CEP290: variants seen among roughly 807,000 people sequenced by gnomAD.
CEP290 encodes the protein centrosomal protein of 290 kDa.
In CEP290, 317 loss-of-function variants were observed where a neutral mutation model predicts 344.9. The ratio of observed to expected loss-of-function variants is 0.92; its 90% CI spans 0.84 to 1.01. The LOEUF (loss-of-function observed/expected upper bound fraction) is 1.01. CEP290 is among the 50% of genes least tolerant of loss of function. CEP290 has a pLI of 0.00. For missense variants in CEP290, 2,754 were observed against 2,761.4 expected (o/e 1.00, Z 0.06); for synonymous variants, 932 against 895.8 (o/e 1.04, Z -0.72).
intron 18 of CEP290, chr12:88,115,611 A>C: frequency 1.7e-6 from 2 of 1,183,582 alleles, no homozygotes; most frequent in African/African-American, 1.6e-5. Context: ...CAATGAGTTC[A>C]TATCAATGTA....
In CEP290 at chr12:88,077,926, G is replaced by A. The variant is rs1592808400; in HGVS notation, c.5365-8C>T. The A allele has an allele frequency of 2.5e-6, 3 of 1,194,406 alleles. No individual in the cohort carries two copies. The highest frequency in any genetic ancestry group is 3.5e-6 in the Non-Finnish European group (3 of 856,412). The allele number at this position is 1,194,406 out of a possible 1,614,324, so 74.0% of individuals were successfully genotyped here. On this transcript the variant is annotated splice_polypyrimidine_tract_variant and splice_region_variant and intron_variant, in intron 39 of 53. Transcript: ENST00000552810. ...TAAATCTTCAACTTGTGTCTAATAAGAGAAAAAGAAAGGTATTATTCATGA... is the reference window on the plus strand; with the variant it reads ...TAAATCTTCAACTTGTGTCTAATAAAAGAAAAAGAAAGGTATTATTCATGA...
intron 47 of CEP290, 39 bp from the exon 48 acceptor site, chr12:88,060,059 C>T: frequency 7.0e-7 from 1 of 1,421,012 alleles, no homozygotes; most frequent in Non-Finnish European, 9.4e-7. Context: ...TATACATTAT[C>T]AAAACAAGGA....
chr12:88,135,464 G>T (rs984736937), intron 6 of CEP290, among the ~76,000 whole-genome samples: 1 of 152,128 alleles, frequency 6.6e-6, no homozygotes, highest in African/African-American at 2.4e-5. Flanking sequence ...TTATAAGTTA[G>T]ATCCTTGATG....
chr12:88,127,672 A>T (rs962009813), intron 11 of CEP290, among the ~76,000 whole-genome samples: 6 of 152,194 alleles, frequency 3.9e-5, no homozygotes, highest in African/African-American at 1.4e-4. Context: ...AAAGTGACAA[A>T]CTGTTAGAAT....
chr12:88,111,146 T>C (rs1355748504), intron 22 of CEP290, 56 bp downstream of exon 22: 7 of 996,954 alleles, frequency 7.0e-6, no homozygotes, highest in Non-Finnish European at 9.5e-6. Context: ...ATACTACCAA[T>C]GATTTTTGTT....
At chr12:88,050,238 G>A (rs766384575) in intron 53 of CEP290, 116 bp downstream of exon 53, 5 of 612,960 alleles carry the variant, frequency 8.2e-6, no homozygotes, top group Non-Finnish European at 1.1e-5. Context: ...CAATATAAAG[G>A]TCAAATATAA....
intron 1 of CEP290, 29 bp from the exon 2 acceptor site, chr12:88,141,363 T>G: frequency 8.7e-7 from 1 of 1,152,564 alleles, no homozygotes; most frequent in Admixed American, 2.2e-5. Context: ...ATATTAGCAT[T>G]TTCAAGGTAC....
At position 88,087,564 on chromosome 12, in the gene CEP290, CA is replaced by C. The variant is rs2036679037; in HGVS notation, c.4194+215del. ...TGAAACCCCGTCTCTACTAAAAATA[CA>C]AAAAATTAGCCAGGCACGGTGGCGG... On this transcript the variant is annotated intron_variant, in intron 32 of 53. Transcript: ENST00000552810. 2.6e-5 allele frequency among the ~76,000 whole-genome samples: 4 copies of C among 151,344 alleles called. 1 individual carries two copies.
At chr12:88,101,146 A>G (rs2037843022) in intron 26 of CEP290, among the ~76,000 whole-genome samples, 2 of 152,100 alleles carry the variant, frequency 1.3e-5, no homozygotes, top group African/African-American at 4.8e-5. Context: ...ATAAAAAATA[A>G]AACTAAGACA....
chr12:88,060,868 T>G lies in CEP290; in HGVS notation c.6484A>C (p.Lys2162Gln). The change falls in exon 47 of 54, where the codon AAA becomes CAA. Residue 2162 changes from lysine to glutamine, a missense_variant. Physicochemically the swap from Lys to Gln is moderately conservative, Grantham distance 53 (BLOSUM62 1). Transcript: ENST00000552810. ...TTTTCCTGCTCAATATTAGCCATTT[T>G]TTCACTAGTCAATATTCCTGATGCT... is the stretch of plus-strand genomic sequence containing the variant. ...KKASGILTSE[K>Q]MANIEQENEK... The G allele has an allele frequency of 1.3e-6, 2 of 1,543,850 alleles. No individual in the cohort carries two copies. The highest frequency in any genetic ancestry group is 8.7e-7 in the Non-Finnish European group (1 of 1,145,738).
intron 13 of CEP290, among the ~76,000 whole-genome samples, chr12:88,122,989 G>A (rs942957835): frequency 6.6e-6 from 1 of 151,928 alleles, no homozygotes; most frequent in Non-Finnish European, 1.5e-5. Context: ...GCAGCAACCA[G>A]TTTAGAACTT....
At chr12:88,094,326 T>C (rs1247449945) in intron 27 of CEP290, among the ~76,000 whole-genome samples, 2 of 152,082 alleles carry the variant, frequency 1.3e-5, no homozygotes, top group Non-Finnish European at 2.9e-5. Context: ...GGAGATAAAC[T>C]GTATGAGAAG....
At position 88,114,442 on chromosome 12, in the gene CEP290, G is replaced by A; in HGVS notation, c.2030C>T (p.Pro677Leu). 3.9e-6 allele frequency: 6 copies of A among 1,545,432 alleles called. No homozygotes were observed. Among genetic ancestry groups the A allele is most frequent in the Non-Finnish European group, 5.2e-6 (6 of 1,144,822 alleles). Residue 677 changes from proline to leucine, a missense_variant, in exon 20 of 54, where the codon CCT (proline) becomes CTT (leucine). Pro to Leu is a moderately conservative substitution (Grantham distance 98). Coordinates refer to ENST00000552810, the MANE Select transcript of CEP290 (RefSeq NM_025114.4). Reference sequence around the variant, plus strand: ...TACATTAACTAGTCTTTCAAGGCTAGGGATAATTAGAGATGTTTCTCCTCC... The same window carrying A: ...TACATTAACTAGTCTTTCAAGGCTAAGGATAATTAGAGATGTTTCTCCTCC... ...VKGGETSLII[P>L]SLERLVNAIE...
At chr12:88,080,155 T>C (rs1459791070) in intron 38 of CEP290, 27 bp downstream of exon 38, 2 of 1,471,644 alleles carry the variant, frequency 1.4e-6, no homozygotes, top group South Asian at 1.3e-5. Flanking sequence ...TTTTCCTAAA[T>C]GTTGATAATT....
At chr12:88,062,823 G>A in intron 45 of CEP290, 45 bp from the exon 46 acceptor site, 1 of 1,267,440 alleles carries the variant, frequency 7.9e-7, no homozygotes, top group East Asian at 2.5e-5. Flanking sequence ...CATAGCTACA[G>A]CCATTGAAAA....
intron 50 of CEP290, among the ~76,000 whole-genome samples, chr12:88,055,122 TGAG>T (rs2033891786): frequency 2.0e-5 from 3 of 152,142 alleles, no homozygotes; most frequent in Non-Finnish European, 2.9e-5. Flanking sequence ...TGGAAGATTC[TGAG>T]GATAGGACTT....
intron 34 of CEP290, among the ~76,000 whole-genome samples, chr12:88,085,188 T>C (rs906487723): frequency 6.6e-6 from 1 of 152,126 alleles, no homozygotes; most frequent in African/African-American, 2.4e-5. Context: ...AAATTATTTC[T>C]TTTATTTTGG....
intron 3 of CEP290, 120 bp from the exon 4 acceptor site, chr12:88,139,684 C>T (rs926373935): frequency 3.5e-5 from 24 of 685,032 alleles, no homozygotes; most frequent in Middle Eastern, 4.5e-4. Context: ...CACATGGAGA[C>T]GTTCAGTAAA....
At chr12:88,066,862 T>C (rs986647036) in intron 44 of CEP290, among the ~76,000 whole-genome samples, 9 of 152,146 alleles carry the variant, frequency 5.9e-5, no homozygotes, top group Non-Finnish European at 1.2e-4. Context: ...ACTCTTGGCC[T>C]CAAGCAATCT....
Sources: gnomAD v4.1 joint callset for allele counts (sites outside exome capture counted in the v4.1 genomes callset) on GRCh38, gnomAD v4.1.1 for gene constraint, MANE v1.5 for transcripts, NCBI Gene and HGNC (gene_info 2026-07-23, HGNC 2026-07-21) for gene names.